The following DNER variants were observed in gnomAD, a reference collection of about 807,000 sequenced individuals.
DNER encodes the protein delta/notch like EGF repeat containing.
Under a neutral mutation model 78.2 loss-of-function variants are expected in DNER, and 33 were observed. That is an observed-to-expected ratio of 0.42 (90% confidence interval 0.32 to 0.56). The LOEUF (loss-of-function observed/expected upper bound fraction) is 0.56. DNER is among the 20% of genes least tolerant of loss of function. The pLI is 0.11. For missense variants in DNER, 918 were observed against 975.3 expected (o/e 0.94, Z 0.78); for synonymous variants, 417 against 384.8 (o/e 1.08, Z -0.98).
At chr2:229,700,683 G>A (rs1228603708) in intron 1 of DNER, among the ~76,000 whole-genome samples, 2 of 151,940 alleles carry the variant, frequency 1.3e-5, no homozygotes, top group Non-Finnish European at 2.9e-5. Flanking sequence ...GGGAGGCCGA[G>A]GTGGGCAGAT....
chr2:229,710,838 A>C (rs1699900372), intron 1 of DNER, among the ~76,000 whole-genome samples: 1 of 152,142 alleles, frequency 6.6e-6, no homozygotes, highest in African/African-American at 2.4e-5. Context: ...CAAAGAAAGA[A>C]ATGTCACAGG....
At position 229,460,076 on chromosome 2, in the gene DNER, G is replaced by A. The variant is rs1301289410; in HGVS notation, c.1262-12536C>T. Among the ~76,000 whole-genome samples, 4 of 142,502 alleles carry A rather than the reference G, an allele frequency of 2.8e-5. No homozygotes were observed. In the Admixed American group the frequency reaches 3.1e-4, roughly 11 times the overall value. The allele number at this position is 142,502 out of a possible 152,430, so 93.5% of individuals were successfully genotyped here. On this transcript the variant is annotated intron_variant, in intron 7 of 12. Coordinates refer to ENST00000341772, the MANE Select transcript of DNER (RefSeq NM_139072.4). ...GGAGACTGAGGCAGGAGAATGGCGT[G>A]AACCTGGGAGGCGGAGCTTGCAGTG...
intron 4 of DNER, among the ~76,000 whole-genome samples, chr2:229,573,008 C>T (rs1697242494): frequency 6.6e-6 from 1 of 152,078 alleles, no homozygotes; most frequent in East Asian, 1.9e-4. Flanking sequence ...TACATGTAGT[C>T]ATTAATCCAT....
At chr2:229,583,547 G>A (rs1697439404) in intron 4 of DNER, among the ~76,000 whole-genome samples, 1 of 152,326 alleles carries the variant, frequency 6.6e-6, no homozygotes, top group South Asian at 2.1e-4. Context: ...ACCAGCGTAG[G>A]TCAGAGACTG....
chr2:229,395,582 C>T lies in DNER; in HGVS notation c.1724-7186G>A, dbSNP rs543627223. Among the ~76,000 whole-genome samples, 19 of 152,214 alleles carry T rather than the reference C, an allele frequency of 1.2e-4. 1 individual carries two copies. In the South Asian group the frequency reaches 3.1e-3, roughly 25 times the overall value. The stretch of plus-strand genomic sequence containing the variant: ...TGCTGTACCTGCTCAAGTGTTCAGC[C>T]CTACAAACTGCATGCTTTAAAGGGC... On this transcript the variant is annotated intron_variant, in intron 10 of 12. Coordinates refer to ENST00000341772, the MANE Select transcript of DNER (RefSeq NM_139072.4).
At chr2:229,710,689 T>C (rs115216742) in intron 1 of DNER, among the ~76,000 whole-genome samples, 119 of 152,250 alleles carry the variant, frequency 7.8e-4, no homozygotes, top group Middle Eastern at 3.4e-3. Flanking sequence ...TAGAGGACTT[T>C]CAGGGCAGTA....
intron 1 of DNER, among the ~76,000 whole-genome samples, chr2:229,598,846 GC>G (rs1697771936): frequency 6.6e-6 from 1 of 152,078 alleles, no homozygotes; most frequent in Non-Finnish European, 1.5e-5. Flanking sequence ...CACCCCTCAC[GC>G]ATTAAGGGAG....
At chr2:229,641,447 C>T (rs1481744938) in intron 1 of DNER, among the ~76,000 whole-genome samples, 2 of 152,236 alleles carry the variant, frequency 1.3e-5, no homozygotes, top group East Asian at 3.9e-4. Context: ...ATTTTTTACA[C>T]AGATGCAAAT....
chr2:229,542,671 G>GA, intron 5 of DNER, among the ~76,000 whole-genome samples: 1 of 131,030 alleles, frequency 7.6e-6, no homozygotes, highest in South Asian at 2.4e-4. Flanking sequence ...ACAGTAAAAA[G>GA]AAAAAAACGT....
At chr2:229,671,694 T>A (rs1699211829) in intron 1 of DNER, among the ~76,000 whole-genome samples, 1 of 152,186 alleles carries the variant, frequency 6.6e-6, no homozygotes, top group South Asian at 2.1e-4. Context: ...GCTCAGAGAC[T>A]CTGCTTTTTA....
chr2:229,595,507 C>A (rs148159124), intron 1 of DNER, among the ~76,000 whole-genome samples: 4 of 152,178 alleles, frequency 2.6e-5, no homozygotes, highest in Non-Finnish European at 4.4e-5. Flanking sequence ...GTCTCAAACT[C>A]CTGACCTCAG....
chr2:229,406,397 A>G (rs1353942193), intron 10 of DNER, among the ~76,000 whole-genome samples: 1 of 151,728 alleles, frequency 6.6e-6, no homozygotes, highest in African/African-American at 2.4e-5. Context: ...TACTCTCTAC[A>G]TTTCAAGATC....
intron 1 of DNER, among the ~76,000 whole-genome samples, chr2:229,627,799 G>C (rs7570081): frequency 6.6e-6 from 1 of 152,008 alleles, no homozygotes; most frequent in Non-Finnish European, 1.5e-5. Flanking sequence ...AGAAGAGCTA[G>C]GAACCCCAGG....
intron 7 of DNER, among the ~76,000 whole-genome samples, chr2:229,453,920 TA>T (rs10602558): frequency 0.24 from 25,681 of 106,346 alleles, 2,931 homozygotes; most frequent in South Asian, 0.29. Context: ...TAAAATATAT[TA>T]AAAAAAAAAA....
chr2:229,461,005 G>T (rs16826048), intron 7 of DNER, among the ~76,000 whole-genome samples: 1 of 152,038 alleles, frequency 6.6e-6, no homozygotes, highest in African/African-American at 2.4e-5. Flanking sequence ...ACGCATCCCT[G>T]TGTTGGAGTT....
chr2:229,530,978 G>A (rs1368714938), intron 5 of DNER, among the ~76,000 whole-genome samples: 1 of 152,202 alleles, frequency 6.6e-6, no homozygotes, highest in East Asian at 1.9e-4. Context: ...GATGCTGGGG[G>A]TGAGGTGTGA....
chr2:229,439,226 G>A (rs559102221), intron 8 of DNER, among the ~76,000 whole-genome samples: 50 of 152,222 alleles, frequency 3.3e-4, no homozygotes, highest in African/African-American at 1.2e-3. Context: ...TGCCCACTAT[G>A]GCCATTTCAT....
At chr2:229,359,614 G>A (rs972180259) in intron 12 of DNER, among the ~76,000 whole-genome samples, 4 of 152,048 alleles carry the variant, frequency 2.6e-5, no homozygotes, top group African/African-American at 9.7e-5. Flanking sequence ...ATTTTACAAG[G>A]TTCCTAGGAT....
At chr2:229,553,598 C>T (rs1696791186) in intron 4 of DNER, among the ~76,000 whole-genome samples, 3 of 152,168 alleles carry the variant, frequency 2.0e-5, no homozygotes, top group South Asian at 2.1e-4. Flanking sequence ...CTGACATGTC[C>T]GGCCTGCCCA....
Sources: allele counts gnomAD v4.1 joint callset (sites outside exome capture counted in the v4.1 genomes callset), GRCh38; gene constraint gnomAD v4.1.1; transcripts MANE v1.5; gene names NCBI Gene and HGNC (gene_info 2026-07-23, HGNC 2026-07-21).